KCNB2: variants seen among roughly 807,000 people sequenced by gnomAD.
The protein encoded by KCNB2 is delayed rectifier potassium channel protein.
In KCNB2, 15 loss-of-function variants were observed where a neutral mutation model predicts 61.5. That is an observed-to-expected ratio of 0.24 (90% CI 0.16 to 0.38). KCNB2 has a LOEUF of 0.38. KCNB2 is among the 10% of genes least tolerant of loss of function. KCNB2 has a pLI of 1.00. For synonymous variants in KCNB2, 457 were observed against 446.0 expected, an observed-to-expected ratio of 1.02 and a Z score of -0.31; for missense variants, 828 against 1,125.2, an observed-to-expected ratio of 0.74 and a Z score of 3.78.
At chr8:72,824,030 A>C (rs1809556022) in intron 2 of KCNB2, among the ~76,000 whole-genome samples, 1 of 152,174 alleles carries the variant, frequency 6.6e-6, no homozygotes, top group Admixed American at 6.5e-5. Context: ...TTTGAACTCT[A>C]TACAGTATGA....
intron 2 of KCNB2, among the ~76,000 whole-genome samples, chr8:72,929,919 A>G (rs1287479550): frequency 6.6e-6 from 1 of 150,950 alleles, no homozygotes; most frequent in Non-Finnish European, 1.5e-5. Flanking sequence ...CATTTACATT[A>G]GGTATATCTC....
chr8:72,806,068 A>C (rs183530073), intron 2 of KCNB2, among the ~76,000 whole-genome samples: 231 of 152,292 alleles, frequency 1.5e-3, no homozygotes, highest in Admixed American at 3.3e-3. Context: ...CAATTCATTA[A>C]AAATGATGAG....
At chr8:72,716,656 C>T (rs1192197971) in intron 2 of KCNB2, among the ~76,000 whole-genome samples, 439 of 152,190 alleles carry the variant, frequency 2.9e-3, no homozygotes, top group African/African-American at 0.01. Flanking sequence ...ATTGATGGGA[C>T]GTATCTCAAA....
At chr8:72,668,988 G>T (rs1317155137) in intron 2 of KCNB2, among the ~76,000 whole-genome samples, 1 of 152,008 alleles carries the variant, frequency 6.6e-6, no homozygotes, top group Non-Finnish European at 1.5e-5. Flanking sequence ...TTTAGTGAAT[G>T]TTTTATAAAT....
chr8:72,866,911 G>A (rs1247330781), intron 2 of KCNB2, among the ~76,000 whole-genome samples: 1 of 152,144 alleles, frequency 6.6e-6, no homozygotes, highest in Non-Finnish European at 1.5e-5. Context: ...AGAACCCCCA[G>A]TGTGTGCCTG....
intron 2 of KCNB2, among the ~76,000 whole-genome samples, chr8:72,678,062 C>T (rs1806690854): frequency 6.6e-6 from 1 of 152,174 alleles, no homozygotes; most frequent in Non-Finnish European, 1.5e-5. Context: ...TAAACAATGA[C>T]CACTCTACTC....
chr8:72,889,487 A>G (rs1422815065), intron 2 of KCNB2, among the ~76,000 whole-genome samples: 1 of 152,128 alleles, frequency 6.6e-6, no homozygotes, highest in African/African-American at 2.4e-5. Context: ...CAGGAGTTCA[A>G]GACCAGGTTG....
chr8:72,846,904 C>T lies in KCNB2; in HGVS notation c.580-89031C>T, dbSNP rs368314742. Among the ~76,000 whole-genome samples, 24 of 152,260 alleles carry T rather than the reference C, an allele frequency of 1.6e-4. No homozygotes were observed. The East Asian group carries it at 4.4e-3, about 28-fold the overall frequency. Reference sequence around the variant, plus strand: ...ACCATTTGACCCAGCCATCCCATTACTAGGTATATACCCAAAGGATTATAA... The same window carrying T: ...ACCATTTGACCCAGCCATCCCATTATTAGGTATATACCCAAAGGATTATAA... On this transcript the variant is annotated intron_variant, in intron 2 of 2. Coordinates refer to ENST00000523207, the MANE Select transcript of KCNB2 (RefSeq NM_004770.3).
intron 2 of KCNB2, among the ~76,000 whole-genome samples, chr8:72,682,116 TCTG>T (rs1348034314): frequency 2.6e-5 from 4 of 152,246 alleles, no homozygotes; most frequent in South Asian, 4.1e-4. Context: ...TATTAACCTG[TCTG>T]ATTATACGAT....
chr8:72,657,903 G>T (rs1165232438), intron 2 of KCNB2, among the ~76,000 whole-genome samples: 3 of 152,090 alleles, frequency 2.0e-5, no homozygotes, highest in Admixed American at 6.6e-5. Context: ...ATAAGACAGA[G>T]AATTTAAATG....
At chr8:72,794,197 T>C (rs1808988592) in intron 2 of KCNB2, among the ~76,000 whole-genome samples, 1 of 152,206 alleles carries the variant, frequency 6.6e-6, no homozygotes, top group Non-Finnish European at 1.5e-5. Context: ...AGGTTTGTCA[T>C]GTTGCAGGCA....
At chr8:72,749,731 ATAC>A (rs1808153803) in intron 2 of KCNB2, among the ~76,000 whole-genome samples, 2 of 146,848 alleles carry the variant, frequency 1.4e-5, no homozygotes, top group Admixed American at 1.4e-4. Context: ...ATATAATATA[ATAC>A]ATATTACTTT....
intron 2 of KCNB2, among the ~76,000 whole-genome samples, chr8:72,612,455 G>T (rs1805556285): frequency 6.6e-6 from 1 of 152,168 alleles, no homozygotes. Context: ...ATTGCTTCCA[G>T]TTCTTTGTCA....
At chr8:72,791,509 A>T (rs1434946017) in intron 2 of KCNB2, among the ~76,000 whole-genome samples, 1 of 152,160 alleles carries the variant, frequency 6.6e-6, no homozygotes, top group Non-Finnish European at 1.5e-5. Context: ...TGATCAGGAC[A>T]CTGCACTCTA....
intron 1 of KCNB2, among the ~76,000 whole-genome samples, chr8:72,562,514 T>C (rs919472921): frequency 2.0e-5 from 3 of 152,222 alleles, no homozygotes; most frequent in Non-Finnish European, 4.4e-5. Flanking sequence ...GGCTGACTGA[T>C]TGTAGCAAGC....
chr8:72,855,709 G>A (rs1403503554), intron 2 of KCNB2, among the ~76,000 whole-genome samples: 1 of 152,082 alleles, frequency 6.6e-6, no homozygotes, highest in Non-Finnish European at 1.5e-5. Context: ...TAACTGAGCT[G>A]GTGGCAGGTC....
chr8:72,685,600 G>A (rs139194755), intron 2 of KCNB2, among the ~76,000 whole-genome samples: 1,533 of 152,194 alleles, frequency 0.01, 16 homozygotes, highest in Middle Eastern at 0.02. Context: ...GGTCAAAGAA[G>A]GTAACATAGA....
intron 2 of KCNB2, among the ~76,000 whole-genome samples, chr8:72,845,777 A>G (rs906402235): frequency 5.1e-5 from 2 of 39,186 alleles, no homozygotes; most frequent in African/African-American, 1.1e-4. Context: ...GTAATGGCAG[A>G]TGCCCCTCCC....
chr8:72,714,104 T>C (rs986923401), intron 2 of KCNB2, among the ~76,000 whole-genome samples: 1 of 152,062 alleles, frequency 6.6e-6, no homozygotes, highest in Non-Finnish European at 1.5e-5. Context: ...AAGAAAAGTT[T>C]AGAGAAAAAA....
Sources: allele counts gnomAD v4.1 joint callset (sites outside exome capture counted in the v4.1 genomes callset), GRCh38; gene constraint gnomAD v4.1.1; transcripts MANE v1.5; gene names NCBI Gene and HGNC (gene_info 2026-07-23, HGNC 2026-07-21).